Variants in CFAP99 observed in about 807,000 individuals in gnomAD.
CFAP99 encodes cilia- and flagella-associated protein 99.
In CFAP99, 84 loss-of-function variants were observed where a neutral mutation model predicts 82.7. The observed-to-expected ratio is 1.02, with a 90% CI of 0.85 to 1.22. CFAP99 has a LOEUF of 1.22. CFAP99 is among the 50% of genes most tolerant of loss of function. CFAP99 has a pLI of 0.00. For missense variants in CFAP99, 1,059 were observed against 983.5 expected, an observed-to-expected ratio of 1.08 and a Z score of -1.03; for synonymous variants, 456 against 429.5, an observed-to-expected ratio of 1.06 and a Z score of -0.76.
chr4:2,433,045 C>T (rs1230878977), intron 2 of CFAP99, among the ~76,000 whole-genome samples: 2 of 152,254 alleles, frequency 1.3e-5, no homozygotes, highest in East Asian at 3.9e-4. Context: ...AGCCGCCAGC[C>T]CAGCATCAGT....
exon 14 of CFAP99, chr4:2,460,139 G>A (rs1560391640): frequency 6.5e-7 from 1 of 1,536,152 alleles, no homozygotes; most frequent in Admixed American, 2.0e-5. Flanking sequence ...AGAAAAGCGG[G>A]ATCAAATCAT....
At chr4:2,422,453 C>T (rs1231252463) in intron 1 of CFAP99, among the ~76,000 whole-genome samples, 1 of 152,162 alleles carries the variant, frequency 6.6e-6, no homozygotes, top group East Asian at 1.9e-4. Flanking sequence ...GGGGGGCGGG[C>T]TTGGCATGGC....
exon 2 of CFAP99, chr4:2,426,472 G>C (rs1379409532): frequency 6.5e-7 from 1 of 1,534,958 alleles, no homozygotes; most frequent in African/African-American, 1.4e-5. Flanking sequence ...TCTGCCCTAA[G>C]AAGATGGCCT....
At position 2,433,258 on chromosome 4, in the gene CFAP99, C is replaced by T. The variant is rs1468905102; in HGVS notation, c.112-3616C>T. On this transcript the variant is annotated intron_variant, in intron 2 of 14. Transcript: ENST00000635017. ...GCTCACACTTCCCAAACACAGACGT[C>T]ATTGATGAGAAGCGGAGTCGCCGGT... Among the ~76,000 whole-genome samples, 3 of 152,232 alleles carry T rather than the reference C, an allele frequency of 2.0e-5. No homozygotes were observed. The East Asian group carries it at 5.8e-4, about 29-fold the overall frequency.
chr4:2,445,284 C>A, exon 6 of CFAP99: 1 of 1,376,544 alleles, frequency 7.3e-7, no homozygotes, highest in Non-Finnish European at 9.4e-7. Flanking sequence ...CCGAACCAGT[C>A]CCGGTCGTGG....
chr4:2,422,763 A>G (rs1426663615), intron 1 of CFAP99, among the ~76,000 whole-genome samples: 1 of 152,222 alleles, frequency 6.6e-6, no homozygotes, highest in African/African-American at 2.4e-5. Context: ...ACGTGGAGGC[A>G]GGGCAAGAAA....
intron 1 of CFAP99, among the ~76,000 whole-genome samples, chr4:2,424,873 G>T (rs1402860409): frequency 2.0e-5 from 3 of 152,170 alleles, no homozygotes; most frequent in African/African-American, 7.2e-5. Context: ...AGCTGCCAGT[G>T]GGCCTTGTCC....
chr4:2,460,079 C>G lies in CFAP99; in HGVS notation c.1498C>G (p.Leu500Val), dbSNP rs757063095. The G allele has an allele frequency of 6.6e-5, 102 of 1,535,964 alleles. No homozygotes were observed. In the South Asian group the frequency reaches 1.1e-3, roughly 16 times the overall value. ...GGAAGGAGAGATGTCCATAGTGGAG[C>G]TGCGAGAGCGGCTGGCCCTGCTCAA... The change falls in exon 14 of 15, where the codon CTG (leucine) becomes GTG (valine). Residue 500 changes from leucine to valine, a missense_variant. Coordinates refer to ENST00000635017, the Ensembl canonical transcript of CFAP99.
At chr4:2,460,266 T>C in intron 14 of CFAP99, 24 bp downstream of exon 14, 1 of 1,532,266 alleles carries the variant, frequency 6.5e-7, no homozygotes, top group Non-Finnish European at 8.7e-7. Flanking sequence ...TCGGGGAGGG[T>C]GCCTCTGGGT....
intron 2 of CFAP99, chr4:2,428,078 A>G (rs1733721944): frequency 1.3e-5 from 2 of 152,508 alleles, no homozygotes. Flanking sequence ...GAAGTGATGC[A>G]AACAGCTCGG....
intron 4 of CFAP99, among the ~76,000 whole-genome samples, chr4:2,440,146 A>ATTTTTTTTTTT (rs1560382287): frequency 1.0e-5 from 1 of 95,872 alleles, no homozygotes. Flanking sequence ...CCAGCTTGAC[A>ATTTTTTTTTTT]TTCTTTTTTT....
At chr4:2,456,103 C>T (rs1578482127) in intron 11 of CFAP99, among the ~76,000 whole-genome samples, 1 of 152,140 alleles carries the variant, frequency 6.6e-6, no homozygotes, top group East Asian at 1.9e-4. Context: ...AGTTATTCTC[C>T]AAGGAACCTC....
At chr4:2,454,594 G>GTTTTTTTTTTTTTTTTTTT (rs1204498727) in intron 11 of CFAP99, among the ~76,000 whole-genome samples, 5 of 84,534 alleles carry the variant, frequency 5.9e-5, no homozygotes, top group Non-Finnish European at 9.8e-5. Flanking sequence ...TTTTTTTTTT[G>GTTTTTTTTTTTTTTTTTTT]TTTTTTTTTT....
At chr4:2,440,308 G>A (rs1321942218) in intron 4 of CFAP99, among the ~76,000 whole-genome samples, 1 of 148,186 alleles carries the variant, frequency 6.7e-6, no homozygotes, top group African/African-American at 2.5e-5. Flanking sequence ...CACTACGCCC[G>A]GCTAATTTTT....
chr4:2,431,263 G>T (rs1383761742), intron 2 of CFAP99, among the ~76,000 whole-genome samples: 1 of 151,940 alleles, frequency 6.6e-6, no homozygotes, highest in African/African-American at 2.4e-5. Context: ...CAGCTACTCG[G>T]GAGGCTGAGG....
chr4:2,428,799 C>T (rs1336801049), intron 2 of CFAP99: 1 of 152,590 alleles, frequency 6.6e-6, no homozygotes, highest in Non-Finnish European at 1.5e-5. Flanking sequence ...CTGGTCCCCT[C>T]GCCTGCTGAC....
chr4:2,439,528 TCACACAG>T lies in CFAP99; in HGVS notation c.351+1368_351+1374del, dbSNP rs1415072289. ...GCCCCATAGACCTGGGACCGGCGGC[TCACACAG>T]CACCTCAGCCACCTAACAGGTGAAG... is the stretch of plus-strand genomic sequence containing the variant. On this transcript the variant is annotated intron_variant, in intron 4 of 14. Coordinates refer to ENST00000635017, the Ensembl canonical transcript of CFAP99. Among the ~76,000 whole-genome samples the T allele has an allele frequency of 3.9e-5, 6 of 152,252 alleles. No homozygotes were observed. In the East Asian group the frequency reaches 9.6e-4, roughly 24 times the overall value.
chr4:2,460,490 C>T (rs868115075), intron 14 of CFAP99, among the ~76,000 whole-genome samples: 11 of 152,350 alleles, frequency 7.2e-5, no homozygotes, highest in Middle Eastern at 3.4e-3. Context: ...GCACCCAGCT[C>T]ATGGGTCCAA....
At chr4:2,419,164 C>T (rs1421953852) in intron 1 of CFAP99, 71 bp downstream of exon 1, 1 of 152,164 alleles carries the variant, frequency 6.6e-6, no homozygotes, top group Non-Finnish European at 1.5e-5. Context: ...TTCCCTCTCG[C>T]TCGCTGCTCA....
Sources: gnomAD v4.1 joint callset for allele counts (sites outside exome capture counted in the v4.1 genomes callset) on GRCh38, gnomAD v4.1.1 for gene constraint, MANE v1.5 for transcripts, NCBI Gene and HGNC (gene_info 2026-07-23, HGNC 2026-07-21) for gene names.